The following SREK1 variants were observed in gnomAD, a reference collection of about 807,000 sequenced individuals.
SREK1 encodes splicing regulatory glutamic acid and lysine rich protein 1.
A neutral mutation model predicts 66.5 loss-of-function variants in SREK1; 13 were observed. The ratio of observed to expected loss-of-function variants is 0.20; its 90% CI spans 0.13 to 0.31. The LOEUF is 0.31. SREK1 is among the 10% of genes least tolerant of loss of function. SREK1 has a pLI of 1.00. For synonymous variants in SREK1, 265 were observed against 263.5 expected, an observed-to-expected ratio of 1.01 and a Z score of -0.05; for missense variants, 607 against 769.6, an observed-to-expected ratio of 0.79 and a Z score of 2.50.
At chr5:66,171,874 C>G (rs548687368) in intron 9 of SREK1, among the ~76,000 whole-genome samples, 24 of 152,122 alleles carry the variant, frequency 1.6e-4, no homozygotes, top group Non-Finnish European at 2.5e-4. Flanking sequence ...ATTTAATCCT[C>G]ACAACAGGCC....
At chr5:66,175,137 TTGAA>T (rs1282752874) in intron 10 of SREK1, 96 bp downstream of exon 10, 22 of 1,023,036 alleles carry the variant, frequency 2.2e-5, no homozygotes, top group African/African-American at 3.2e-5. Context: ...ACTTTATATT[TTGAA>T]TGAATAATAC....
intron 11 of SREK1, among the ~76,000 whole-genome samples, chr5:66,178,218 A>G (rs1024257884): frequency 3.3e-5 from 5 of 152,054 alleles, no homozygotes; most frequent in African/African-American, 9.7e-5. Flanking sequence ...ATCATCATCA[A>G]TAACATTGAT....
intron 10 of SREK1, among the ~76,000 whole-genome samples, 183 bp downstream of exon 10, chr5:66,175,224 C>G (rs1038797719): frequency 6.6e-6 from 1 of 152,186 alleles, no homozygotes; most frequent in Non-Finnish European, 1.5e-5. Flanking sequence ...TGCCCATCTA[C>G]ACTGTTCCCA....
intron 11 of SREK1, among the ~76,000 whole-genome samples, 187 bp downstream of exon 11, chr5:66,177,845 TAAAACTAAA>T (rs1465822309): frequency 1.3e-5 from 2 of 152,062 alleles, no homozygotes; most frequent in East Asian, 3.8e-4. Flanking sequence ...AAGAGCCAAT[TAAAACTAAA>T]AAAACTAAGT....
At chr5:66,156,382 T>C (rs1744286497) in intron 2 of SREK1, 2 of 1,185,474 alleles carry the variant, frequency 1.7e-6, no homozygotes, top group African/African-American at 1.6e-5. Context: ...GCAAATTATA[T>C]TGGGAGATGA....
In SREK1 at chr5:66,180,909, A is replaced by AAAGG. The variant is rs1746433373; in HGVS notation, c.*2043_*2044insGGAA. The AAAGG allele has an allele frequency of 1.3e-5, 2 of 152,478 alleles. No homozygotes were observed. The highest frequency in any genetic ancestry group is 4.8e-5 in the African/African-American group (2 of 41,472). The allele number at this position is 152,478 out of a possible 1,614,324, so 9.4% of individuals were successfully genotyped here. On this transcript the variant is annotated 3_prime_UTR_variant, in exon 12 of 12. Coordinates refer to ENST00000334121, the MANE Select transcript of SREK1 (RefSeq NM_001077199.3). Reference sequence around the variant, plus strand: ...GAAAATGTTTGTTTATGCATTTCAAAAAAGCATTTTAGTTTTATCCTGCTC... The same window carrying AAAGG: ...GAAAATGTTTGTTTATGCATTTCAAAAAGGAAAGCATTTTAGTTTTATCCTGCTC...
chr5:66,178,990 C>T lies in SREK1; in HGVS notation c.*122C>T, dbSNP rs772313864. 38 of 1,133,004 alleles carry T rather than the reference C, an allele frequency of 3.4e-5. No individual in the cohort carries two copies. In the Middle Eastern group the frequency reaches 1.5e-3, roughly 45 times the overall value. 70.2% of individuals were successfully genotyped at this position (1,133,004 alleles called of 1,614,324 possible). On this transcript the variant is annotated 3_prime_UTR_variant, in exon 12 of 12. Transcript: ENST00000334121. Reference sequence around the variant, plus strand: ...ATGAAGATAGGATCTAACAGCTTTTCCAGTTGTTAGATGACTTTGTGGCCA... The same window carrying T: ...ATGAAGATAGGATCTAACAGCTTTTTCAGTTGTTAGATGACTTTGTGGCCA...
chr5:66,159,381 G>C, intron 3 of SREK1, 47 bp downstream of exon 3: 1 of 1,441,574 alleles, frequency 6.9e-7, no homozygotes, highest in Non-Finnish European at 9.4e-7. Context: ...GTTCAACTGT[G>C]TGACCAGTTG....
intron 1 of SREK1, chr5:66,145,201 T>TAA: frequency 1.0e-6 from 1 of 977,964 alleles, no homozygotes; most frequent in Non-Finnish European, 1.2e-6. Context: ...GGTGCAGGGT[T>TAA]ATCCCTCCCG....
intron 9 of SREK1, among the ~76,000 whole-genome samples, chr5:66,174,183 G>T (rs1432510487): frequency 2.0e-5 from 3 of 152,050 alleles, no homozygotes; most frequent in African/African-American, 7.2e-5. Flanking sequence ...ACCTAGTGAA[G>T]TTCATTGTTT....
At chr5:66,164,090 A>T in intron 6 of SREK1, 168 bp downstream of exon 6, 1 of 755,872 alleles carries the variant, frequency 1.3e-6, no homozygotes. Context: ...AACTTAGCCC[A>T]TATTTTATCT....
chr5:66,151,834 CTTTTTTTTT>C (rs60920757), intron 1 of SREK1, among the ~76,000 whole-genome samples: 7 of 84,786 alleles, frequency 8.3e-5, no homozygotes, highest in African/African-American at 1.7e-4. Context: ...GAGGTACATC[CTTTTTTTTT>C]TTTTTTTTTT....
At chr5:66,157,666 G>GT in intron 2 of SREK1, 1 of 969,112 alleles carries the variant, frequency 1.0e-6, no homozygotes, top group Non-Finnish European at 1.2e-6. Flanking sequence ...CCTGCCTTTT[G>GT]TTGATGCATG....
chr5:66,163,916 G>C lies in SREK1; in HGVS notation c.880G>C (p.Glu294Gln). The change falls in exon 6 of 12, where the codon GAA becomes CAA. Residue 294 changes from glutamate (E) to glutamine (Q), a missense_variant. Glu to Gln is a conservative substitution (Grantham distance 29). Coordinates refer to ENST00000334121, the MANE Select transcript of SREK1 (RefSeq NM_001077199.3). The part of the protein sequence containing the change: ...EAQSFISAAI[E>Q]PESGKSNERK... ...TCAGTCATTTATCTCAGCAGCTATTGAACCAGGTAAGTACATAACGTTGTT... is the reference window on the plus strand; with the variant it reads ...TCAGTCATTTATCTCAGCAGCTATTCAACCAGGTAAGTACATAACGTTGTT... 1 of 1,613,406 alleles carries C rather than the reference G, an allele frequency of 6.2e-7. No homozygotes were observed. The highest frequency in any genetic ancestry group is 8.5e-7 in the Non-Finnish European group (1 of 1,179,494).
chr5:66,152,902 G>T lies in SREK1; in HGVS notation c.162-561G>T, dbSNP rs1743964858. On this transcript the variant is annotated intron_variant, in intron 1 of 11. Coordinates refer to ENST00000334121, the MANE Select transcript of SREK1 (RefSeq NM_001077199.3). Reference sequence around the variant, plus strand: ...TCAAGTAGGACCAGTTAGAGTCTTTGTTGCCTATAAAATATGTAAGATTTT... The same window carrying T: ...TCAAGTAGGACCAGTTAGAGTCTTTTTTGCCTATAAAATATGTAAGATTTT... Among the ~76,000 whole-genome samples the T allele has an allele frequency of 3.3e-5, 5 of 152,022 alleles. No homozygotes were observed. The South Asian group carries it at 1.0e-3, about 32-fold the overall frequency.
chr5:66,159,276 C>T lies in SREK1; in HGVS notation c.353C>T (p.Thr118Ile). ...LSLLAPAPTM[T>I]SLMPGAGLLP... ...TTATTGGCTCCTGCTCCAACCATGACAAGTCTGATGCCTGGTGCAGGATTG... is the reference window on the plus strand; with the variant it reads ...TTATTGGCTCCTGCTCCAACCATGATAAGTCTGATGCCTGGTGCAGGATTG... The change falls in exon 3 of 12, where the codon ACA becomes ATA. Residue 118 changes from threonine to isoleucine, a missense_variant. Coordinates refer to ENST00000334121, the MANE Select transcript of SREK1 (RefSeq NM_001077199.3). The T allele has an allele frequency of 6.2e-7, 1 of 1,613,772 alleles. No homozygotes were observed. The highest frequency in any genetic ancestry group is 8.5e-7 in the Non-Finnish European group (1 of 1,179,864).
intron 2 of SREK1, chr5:66,156,015 A>G (rs1744257026): frequency 2.0e-6 from 3 of 1,533,258 alleles, no homozygotes; most frequent in Non-Finnish European, 2.6e-6. Context: ...GATTTTGACT[A>G]TTAATTTGGT....
Position 66,144,301 on chromosome 5 carries a change from T to A in SREK1, c.-76T>A. On this transcript the variant is annotated 5_prime_UTR_variant, in exon 1 of 12. Coordinates refer to ENST00000334121, the MANE Select transcript of SREK1 (RefSeq NM_001077199.3). ...GCGGGAGCGCGCTCGCGGCCGCGCGTTCTCCGCTTTCCCGGCTCCGTCGCT... is the reference window on the plus strand; with the variant it reads ...GCGGGAGCGCGCTCGCGGCCGCGCGATCTCCGCTTTCCCGGCTCCGTCGCT... The A allele has an allele frequency of 8.8e-6, 11 of 1,253,754 alleles. No individual in the cohort carries two copies. The highest frequency in any genetic ancestry group is 1.2e-5 in the Non-Finnish European group (11 of 919,780). 77.7% of individuals were successfully genotyped at this position (1,253,754 alleles called of 1,614,324 possible). A position where few individuals can be genotyped will look rare whatever the true frequency, so the allele number is the denominator to read the frequency against.
rs1460029313 is a variant in SREK1, at chr5:66,170,475, CTG to C, written c.1122-108_1122-107del. The C allele has an allele frequency of 5.3e-6, 7 of 1,326,798 alleles. No homozygotes were observed. In the Admixed American group the frequency reaches 9.1e-5, roughly 17 times the overall value. 82.2% of individuals were successfully genotyped at this position (1,326,798 alleles called of 1,614,324 possible). A position where few individuals can be genotyped will look rare whatever the true frequency, so the allele number is the denominator to read the frequency against. ...TATATAAAAATGTATATGTAAATGT[CTG>C]TAGGTACTATAAATTGTCTTGTGTT... On this transcript the variant is annotated intron_variant, in intron 8 of 11. Transcript: ENST00000334121.
Sources: allele counts gnomAD v4.1 joint callset (sites outside exome capture counted in the v4.1 genomes callset), GRCh38; gene constraint gnomAD v4.1.1; transcripts MANE v1.5; gene names NCBI Gene and HGNC (gene_info 2026-07-23, HGNC 2026-07-21).